CELF2: variants seen among roughly 807,000 people sequenced by gnomAD.
CELF2 encodes the protein CUG triplet repeat RNA-binding protein 2.
Under a neutral mutation model 62.6 loss-of-function variants are expected in CELF2, and 8 were observed. The ratio of observed to expected loss-of-function variants is 0.13; its 90% CI spans 0.07 to 0.23. The LOEUF is 0.23. Ranked by LOEUF, CELF2 falls within the 10% of genes least tolerant of loss-of-function variation. The probability of loss-of-function intolerance (pLI) is 1.00; values close to 1 mark genes in which losing one functional copy is unlikely to be tolerated. For synonymous variants in CELF2, 258 were observed against 250.0 expected, an observed-to-expected ratio of 1.03 and a Z score of -0.30; for missense variants, 333 against 671.0, an observed-to-expected ratio of 0.50 and a Z score of 5.56.
chr10:11,009,859 C>T (rs1435071036), intron 1 of CELF2, among the ~76,000 whole-genome samples: 4 of 152,186 alleles, frequency 2.6e-5, no homozygotes, highest in Non-Finnish European at 5.9e-5. Context: ...GCTGACATAC[C>T]TCCGATATGC....
At chr10:10,703,966 C>G in the CELF2 span, among the ~76,000 whole-genome samples, 2 of 152,158 alleles carry the variant, frequency 1.3e-5, no homozygotes, top group Non-Finnish European at 2.9e-5. Flanking sequence ...ACAAAATATT[C>G]CAATATTTCT....
intron 1 of CELF2, among the ~76,000 whole-genome samples, chr10:11,151,564 C>G (rs759072917): frequency 6.6e-6 from 1 of 152,068 alleles, no homozygotes; most frequent in Non-Finnish European, 1.5e-5. Flanking sequence ...GTATCAGTAC[C>G]GTATACACAG....
At chr10:10,686,384 G>T in the CELF2 span, among the ~76,000 whole-genome samples, 2 of 149,792 alleles carry the variant, frequency 1.3e-5, no homozygotes, top group Non-Finnish European at 3.0e-5. Flanking sequence ...TTTATTTCCA[G>T]TCAAACTGGG....
intron 1 of CELF2, among the ~76,000 whole-genome samples, chr10:11,063,282 A>G (rs1179833194): frequency 2.0e-5 from 3 of 152,202 alleles, no homozygotes; most frequent in Non-Finnish European, 4.4e-5. Flanking sequence ...GAAGGGGGCT[A>G]CCTATGAAAT....
At chr10:10,660,529 A>G in the CELF2 span, among the ~76,000 whole-genome samples, 1 of 152,216 alleles carries the variant, frequency 6.6e-6, no homozygotes, top group Non-Finnish European at 1.5e-5. Context: ...TCCATTCAGC[A>G]GCTGCTATGC....
rs181104704 is a variant in CELF2 at position 10,842,124 on chromosome 10, A to G, written c.53+43307A>G. Among the ~76,000 whole-genome samples, 5 of 152,208 alleles carry G rather than the reference A, an allele frequency of 3.3e-5. No individual in the cohort carries two copies. The East Asian group carries it at 9.6e-4, about 29-fold the overall frequency. On this transcript the variant is annotated intron_variant, in intron 1 of 13. Transcript: ENST00000636488. Reference sequence around the variant, plus strand: ...TCATTGCTGTATATGGTGAAAAATTAACTTGTATATTGACCTTGTATCTTG... The same window carrying G: ...TCATTGCTGTATATGGTGAAAAATTGACTTGTATATTGACCTTGTATCTTG...
upstream of CELF2, among the ~76,000 whole-genome samples, chr10:11,003,668 C>T (rs192809316): frequency 6.6e-6 from 1 of 152,108 alleles, no homozygotes; most frequent in Admixed American, 6.6e-5. The surrounding 1 kb of genome is among the most constrained non-coding windows in gnomAD (Gnocchi z 4.4). Flanking sequence ...AGTCACAAGG[C>T]GAATGGGCTC....
chr10:10,479,275 T>C, the CELF2 span, among the ~76,000 whole-genome samples: 3 of 152,098 alleles, frequency 2.0e-5, no homozygotes, highest in Admixed American at 2.0e-4. Flanking sequence ...TTCAAGTGAT[T>C]CTCCTGCCTC....
intron 1 of CELF2, among the ~76,000 whole-genome samples, chr10:10,853,265 G>T (rs1356190977): frequency 3.9e-5 from 6 of 152,184 alleles, no homozygotes; most frequent in African/African-American, 1.4e-4. Flanking sequence ...ACAGGTGTAA[G>T]GCACTGCACC....
intron 8 of CELF2, among the ~76,000 whole-genome samples, chr10:11,286,549 G>T (rs2091356690): frequency 6.6e-6 from 1 of 152,230 alleles, no homozygotes; most frequent in African/African-American, 2.4e-5. Flanking sequence ...GTAGGAAACA[G>T]CCCCTTGCTG....
rs1401018004 is a variant in CELF2 at position 11,045,283 on chromosome 10, A to G, written c.74+27120A>G. 3.9e-5 allele frequency among the ~76,000 whole-genome samples: 6 copies of G among 152,224 alleles called. No homozygotes were observed. In the East Asian group the frequency reaches 5.8e-4, roughly 15 times the overall value. The stretch of plus-strand genomic sequence containing the variant: ...CTGGGTTAGTTTTTTATGTTTTTCT[A>G]TACAGACAGGGGTCTCATTAAGTTG... On this transcript the variant is annotated intron_variant, in intron 1 of 12. Coordinates refer to ENST00000633077, the MANE Select transcript of CELF2 (RefSeq NM_001326342.2).
In CELF2 at chr10:11,336,387, C is replaced by T. The variant is rs944997888; in HGVS notation, c.*7334C>T. On this transcript the variant is annotated 3_prime_UTR_variant, in exon 13 of 13. Coordinates refer to ENST00000633077, the MANE Select transcript of CELF2 (RefSeq NM_001326342.2). This position sits in a 1 kb window ranked among gnomAD's most constrained non-coding sequence, Gnocchi z 5.4. ...ATATTATCTTCATGTGACCATGAAACGTTTCTATTGAGTGAAAATGATATC... is the reference window on the plus strand; with the variant it reads ...ATATTATCTTCATGTGACCATGAAATGTTTCTATTGAGTGAAAATGATATC... 1 of 152,574 alleles carries T rather than the reference C, an allele frequency of 6.6e-6. No homozygotes were observed. Among genetic ancestry groups the T allele is most frequent in the Non-Finnish European group, 1.5e-5 (1 of 68,024 alleles). 9.5% of individuals were successfully genotyped at this position (152,574 alleles called of 1,614,324 possible).
intron 3 of CELF2, among the ~76,000 whole-genome samples, chr10:11,234,729 G>T (rs2070447159): frequency 6.6e-6 from 1 of 151,762 alleles, no homozygotes; most frequent in African/African-American, 2.4e-5. Context: ...CTGGTGGGTG[G>T]GGGTGAGAGG....
At chr10:11,118,266 A>C (rs2056994050) in intron 1 of CELF2, among the ~76,000 whole-genome samples, 1 of 152,076 alleles carries the variant, frequency 6.6e-6, no homozygotes, top group African/African-American at 2.4e-5. Flanking sequence ...TCTGAACCCA[A>C]GGCTTGGTGT....
the CELF2 span, among the ~76,000 whole-genome samples, chr10:10,610,931 G>A: frequency 1.3e-5 from 2 of 152,268 alleles, no homozygotes; most frequent in Admixed American, 6.5e-5. Flanking sequence ...AATAAAGAAA[G>A]ATGGAAGTAA....
upstream of CELF2, among the ~76,000 whole-genome samples, chr10:11,001,643 A>G (rs2054526028): frequency 6.6e-6 from 1 of 152,222 alleles, no homozygotes; most frequent in African/African-American, 2.4e-5. Flanking sequence ...CTCACATTGC[A>G]GAACTTTTCT....
chr10:10,741,277 C>A, the CELF2 span, among the ~76,000 whole-genome samples: 1 of 151,918 alleles, frequency 6.6e-6, no homozygotes, highest in Non-Finnish European at 1.5e-5. Context: ...CTTTGGAAGG[C>A]CGAGGCAGGC....
the CELF2 span, among the ~76,000 whole-genome samples, chr10:10,529,683 CAAAAAAAAA>C: frequency 8.9e-4 from 58 of 65,474 alleles, no homozygotes; most frequent in East Asian, 0.019. Context: ...GACTCCATCT[CAAAAAAAAA>C]AAAAAAAAAA....
intron 1 of CELF2, among the ~76,000 whole-genome samples, chr10:10,902,787 G>C (rs561725599): frequency 5.6e-4 from 85 of 151,118 alleles, no homozygotes; most frequent in Non-Finnish European, 1.0e-3. Context: ...AGGGAGGAGA[G>C]GGGAGGAGAG....
Sources: allele counts gnomAD v4.1 joint callset (sites outside exome capture counted in the v4.1 genomes callset), GRCh38; gene constraint gnomAD v4.1.1; non-coding constraint Gnocchi (gnomAD v3.1); transcripts MANE v1.5; gene names NCBI Gene and HGNC (gene_info 2026-07-23, HGNC 2026-07-21).